The following CDH4 variants were observed in gnomAD, a reference collection of about 807,000 sequenced individuals.
The protein encoded by CDH4 is cadherin-4.
CDH4 carries 33 observed loss-of-function variants against 86.0 expected under a neutral mutation model. The observed-to-expected ratio is 0.38, with a 90% CI of 0.29 to 0.51. The LOEUF (loss-of-function observed/expected upper bound fraction) is 0.51, where lower values mean the gene tolerates loss of function less well. Among genes scored for constraint, CDH4 ranks in the 20% least tolerant of loss-of-function variants. The pLI is 0.86. For synonymous variants in CDH4, 555 were observed against 549.4 expected (o/e 1.01, Z -0.14); for missense variants, 1,114 against 1,307.4 (o/e 0.85, Z 2.28).
At chr20:61,671,626 T>C (rs1016169279) in intron 2 of CDH4, among the ~76,000 whole-genome samples, 4 of 149,748 alleles carry the variant, frequency 2.7e-5, no homozygotes, top group African/African-American at 9.9e-5. Context: ...GATGGATGGG[T>C]GTGTAGATGA....
At chr20:61,292,878 C>T (rs1393875024) in intron 2 of CDH4, among the ~76,000 whole-genome samples, 1 of 152,238 alleles carries the variant, frequency 6.6e-6, no homozygotes, top group African/African-American at 2.4e-5. Context: ...ATCAGCAGTC[C>T]AGATGCAGAG....
intron 7 of CDH4, among the ~76,000 whole-genome samples, chr20:61,884,112 A>G (rs1261002593): frequency 6.6e-6 from 1 of 152,172 alleles, no homozygotes; most frequent in Non-Finnish European, 1.5e-5. Flanking sequence ...TCAGCACAGC[A>G]GAAAGCAAAC....
intron 2 of CDH4, among the ~76,000 whole-genome samples, chr20:61,507,969 G>A (rs1052506719): frequency 6.6e-6 from 1 of 152,216 alleles, no homozygotes; most frequent in African/African-American, 2.4e-5. Context: ...AAACGCCCAT[G>A]ACCCCACCGC....
intron 2 of CDH4, among the ~76,000 whole-genome samples, chr20:61,387,806 G>T (rs947541924): frequency 6.6e-6 from 1 of 152,128 alleles, no homozygotes; most frequent in African/African-American, 2.4e-5. Context: ...AGACAAGCCC[G>T]CACCGGCCCG....
intron 2 of CDH4, among the ~76,000 whole-genome samples, chr20:61,446,796 G>A (rs1024435502): frequency 6.6e-6 from 1 of 152,202 alleles, no homozygotes; most frequent in African/African-American, 2.4e-5. Flanking sequence ...CAGGGTATGT[G>A]TTGGGGTGGA....
At chr20:61,524,414 C>T (rs73150301) in intron 2 of CDH4, among the ~76,000 whole-genome samples, 11,829 of 152,118 alleles carry the variant, frequency 0.078, 530 homozygotes, top group Non-Finnish European at 0.11. Flanking sequence ...TGATGCATGT[C>T]GTCAGCAGAG....
At chr20:61,258,321 C>T (rs1325235581) in intron 2 of CDH4, among the ~76,000 whole-genome samples, 2 of 22,620 alleles carry the variant, frequency 8.8e-5, no homozygotes, top group Non-Finnish European at 1.7e-4. Flanking sequence ...AAGAACGAGA[C>T]TCCGTCTCAA....
intron 2 of CDH4, among the ~76,000 whole-genome samples, chr20:61,275,528 A>ACAGTTTGGGGGAGTACCATGCG: frequency 1.1e-5 from 1 of 94,904 alleles, no homozygotes; most frequent in Non-Finnish European, 2.0e-5. Flanking sequence ...AGTACCATGC[A>ACAGTTTGGGGGAGTACCATGCG]CAGTTTGGGG....
At chr20:61,633,534 C>T (rs2086915849) in intron 2 of CDH4, among the ~76,000 whole-genome samples, 1 of 152,180 alleles carries the variant, frequency 6.6e-6, no homozygotes, top group African/African-American at 2.4e-5. Context: ...ATCTATCCAT[C>T]AATGTATCCA....
At chr20:61,719,519 A>AT (rs2088006982) in intron 2 of CDH4, 1 of 210,306 alleles carries the variant, frequency 4.8e-6, no homozygotes, top group South Asian at 8.2e-5. Flanking sequence ...AAGAGAGATA[A>AT]TTTCTCGGGA....
chr20:61,711,183 G>C (rs6061757), intron 2 of CDH4, among the ~76,000 whole-genome samples: 1 of 152,144 alleles, frequency 6.6e-6, no homozygotes, highest in Non-Finnish European at 1.5e-5. Context: ...GGTTTTATAA[G>C]GGGTTCTTCC....
intron 4 of CDH4, among the ~76,000 whole-genome samples, chr20:61,805,529 G>A (rs1001034916): frequency 1.2e-4 from 18 of 152,276 alleles, no homozygotes; most frequent in East Asian, 5.8e-4. Context: ...TCAGACACTC[G>A]CCCTCCTGCG....
intron 4 of CDH4, among the ~76,000 whole-genome samples, chr20:61,815,208 A>T (rs1980651102): frequency 6.6e-6 from 1 of 152,138 alleles, no homozygotes; most frequent in Non-Finnish European, 1.5e-5. Flanking sequence ...CTACGTACGA[A>T]GTCCTGTCTA....
intron 2 of CDH4, among the ~76,000 whole-genome samples, chr20:61,473,874 G>C (rs1193231554): frequency 1.3e-5 from 2 of 152,078 alleles, no homozygotes; most frequent in Non-Finnish European, 2.9e-5. Context: ...TTACAGCCAT[G>C]TCAAGATAGA....
chr20:61,839,866 ATTGTGTGC>A (rs954818748), intron 4 of CDH4, among the ~76,000 whole-genome samples: 6 of 146,360 alleles, frequency 4.1e-5, no homozygotes, highest in African/African-American at 1.3e-4. Flanking sequence ...GTGTTTGTGT[ATTGTGTGC>A]TTGTGTGGTG....
chr20:61,521,062 G>A (rs2085865559), intron 2 of CDH4, among the ~76,000 whole-genome samples: 1 of 152,178 alleles, frequency 6.6e-6, no homozygotes, highest in Non-Finnish European at 1.5e-5. Flanking sequence ...ATTGTGGTCT[G>A]TTCTGATTTG....
At chr20:61,287,408 A>G (rs1344819420) in intron 2 of CDH4, among the ~76,000 whole-genome samples, 1 of 152,080 alleles carries the variant, frequency 6.6e-6, no homozygotes, top group Non-Finnish European at 1.5e-5. Flanking sequence ...CCAGGAGGTC[A>G]AGGCTGCAGT....
At chr20:61,565,062 T>TTGGTGGTGGTGG (rs140113205) in intron 2 of CDH4, among the ~76,000 whole-genome samples, 4,655 of 101,128 alleles carry the variant, frequency 0.046, 659 homozygotes, top group African/African-American at 0.16. Context: ...GGTGGTGCTC[T>TTGGTGGTGGTGG]TGGTGGTGGT....
intron 4 of CDH4, among the ~76,000 whole-genome samples, chr20:61,773,985 C>T (rs1395775512): frequency 6.6e-6 from 1 of 152,174 alleles, no homozygotes; most frequent in Non-Finnish European, 1.5e-5. Context: ...AGGGTCCCCC[C>T]AATTTTTTGT....
Sources: allele counts gnomAD v4.1 joint callset (sites outside exome capture counted in the v4.1 genomes callset), GRCh38; gene constraint gnomAD v4.1.1; transcripts MANE v1.5; gene names NCBI Gene and HGNC (gene_info 2026-07-23, HGNC 2026-07-21).